DNAH8: variants seen among roughly 807,000 people sequenced by gnomAD.
DNAH8 encodes axonemal beta dynein heavy chain 8.
DNAH8 carries 382 observed loss-of-function variants against 562.1 expected under a neutral mutation model. The ratio of observed to expected loss-of-function variants is 0.68; its 90% CI spans 0.63 to 0.74. The LOEUF (loss-of-function observed/expected upper bound fraction) is 0.74. Among genes scored for constraint, DNAH8 ranks in the 30% least tolerant of loss-of-function variants. DNAH8 has a pLI of 0.00. For missense variants in DNAH8, 5,203 were observed against 5,620.4 expected, an observed-to-expected ratio of 0.93 and a Z score of 2.37; for synonymous variants, 1,881 against 1,919.4, an observed-to-expected ratio of 0.98 and a Z score of 0.52.
At position 38,816,382 on chromosome 6, in the gene DNAH8, C is replaced by T. The variant is rs542140803; in HGVS notation, c.3523+725C>T. 1.5e-4 allele frequency among the ~76,000 whole-genome samples: 23 copies of T among 152,222 alleles called. No homozygotes were observed. In the South Asian group the frequency reaches 2.5e-3, roughly 16 times the overall value. On this transcript the variant is annotated intron_variant, in intron 26 of 92. Transcript: ENST00000327475. The stretch of plus-strand genomic sequence containing the variant: ...TTAGTTTGCCAAGGATAATGGCTTC[C>T]GGCTCCATCTATGTCCTTGCAAAGG...
intron 16 of DNAH8, 139 bp downstream of exon 16, chr6:38,781,512 A>G (rs533100957): frequency 3.4e-5 from 35 of 1,015,814 alleles, no homozygotes; most frequent in Non-Finnish European, 4.5e-5. Flanking sequence ...AATTTAGTTT[A>G]TAAATATACT....
intron 71 of DNAH8, among the ~76,000 whole-genome samples, chr6:38,922,839 C>G (rs905755177): frequency 6.6e-6 from 1 of 152,124 alleles, no homozygotes; most frequent in Non-Finnish European, 1.5e-5. Flanking sequence ...TGGATTCTGT[C>G]TTACAAAATT....
In DNAH8 at chr6:38,899,906, G is replaced by C; in HGVS notation, c.9194G>C (p.Arg3065Thr). 1 of 1,564,176 alleles carries C rather than the reference G, an allele frequency of 6.4e-7. No homozygotes were observed. Among genetic ancestry groups the C allele is most frequent in the Non-Finnish European group, 8.6e-7 (1 of 1,158,486 alleles). The change falls in exon 62 of 93, where the codon AGG becomes ACG. Residue 3065 changes from arginine to threonine, a missense_variant and splice_region_variant. Physicochemically the swap from Arg to Thr is moderately conservative, Grantham distance 71. Coordinates refer to ENST00000327475, the MANE Select transcript of DNAH8 (RefSeq NM_001206927.2). ...GYQIFQITLTRSYNVTNLTDD... is the reference protein window; with the variant it reads ...GYQIFQITLTTSYNVTNLTDD... ...CAAATATTCCAGATAACATTAACCA[G>C]GTAGGATGAAATAAAACACAATATG...
Position 38,778,399 on chromosome 6 carries a change from G to A in DNAH8, c.1974G>A (p.Gln658=). The A allele has an allele frequency of 6.5e-7, 1 of 1,549,530 alleles. No individual in the cohort carries two copies. ...TKINGLEVQI[Q]AFMNSSFGKI... ...ATATTTTATTTTAGGTACAAATACA[G>A]GCATTTATGAACAGTAGTTTTGGGA... The change falls in exon 14 of 93, where the codon CAG becomes CAA. Residue 658 remains glutamine, a synonymous_variant. Transcript: ENST00000327475.
chr6:38,852,005 T>C (rs995048032), intron 39 of DNAH8, among the ~76,000 whole-genome samples: 1 of 152,224 alleles, frequency 6.6e-6, no homozygotes, highest in South Asian at 2.1e-4. Context: ...TATGAGATCA[T>C]GCATAGCAGA....
At chr6:38,776,838 A>G (rs1436713600) in intron 13 of DNAH8, among the ~76,000 whole-genome samples, 4 of 152,152 alleles carry the variant, frequency 2.6e-5, no homozygotes, top group South Asian at 2.1e-4. Context: ...GTTACTCTCT[A>G]CTGTTAACTG....
intron 18 of DNAH8, 50 bp from the exon 19 acceptor site, chr6:38,789,753 G>A (rs756109922): frequency 6.6e-6 from 9 of 1,359,024 alleles, no homozygotes; most frequent in Non-Finnish European, 9.3e-6. Flanking sequence ...AAATGTGACT[G>A]CTACTTTAAA....
At chr6:38,762,708 G>C (rs1320778838) in intron 11 of DNAH8, among the ~76,000 whole-genome samples, 5 of 152,224 alleles carry the variant, frequency 3.3e-5, no homozygotes, top group Non-Finnish European at 7.3e-5. Flanking sequence ...AGTGGTTATT[G>C]GTCATCTCTG....
At position 38,734,561 on chromosome 6, in the gene DNAH8, G is replaced by C; in HGVS notation, c.698G>C (p.Gly233Ala). 1 of 1,613,808 alleles carries C rather than the reference G, an allele frequency of 6.2e-7. No homozygotes were observed. The highest frequency in any genetic ancestry group is 8.5e-7 in the Non-Finnish European group (1 of 1,179,958). ...IDNAAPDKLK[G>A]LCIFFVRCRN... Reference sequence around the variant, plus strand: ...AATGCAGCCCCGGATAAACTAAAAGGACTGTGCATATTTTTTGTTCGTTGC... The same window carrying C: ...AATGCAGCCCCGGATAAACTAAAAGCACTGTGCATATTTTTTGTTCGTTGC... The change falls in exon 5 of 93, where the codon GGA (glycine) becomes GCA (alanine). Residue 233 changes from glycine to alanine, a missense_variant. Physicochemically the swap from Gly to Ala is moderately conservative, Grantham distance 60 (BLOSUM62 0). Transcript: ENST00000327475.
At chr6:39,009,317 T>A (rs1468242570) in intron 89 of DNAH8, among the ~76,000 whole-genome samples, 1 of 146,536 alleles carries the variant, frequency 6.8e-6, no homozygotes, top group Non-Finnish European at 1.5e-5. Context: ...AAAAAAAAAC[T>A]CAAAAATCTT....
chr6:38,777,429 T>G (rs1013837368), intron 13 of DNAH8, among the ~76,000 whole-genome samples: 7 of 152,198 alleles, frequency 4.6e-5, no homozygotes, highest in African/African-American at 9.7e-5. Flanking sequence ...ATCAGTGTTT[T>G]AATTTTAATT....
At chr6:38,791,097 A>G (rs1769700401) in intron 20 of DNAH8, among the ~76,000 whole-genome samples, 1 of 152,228 alleles carries the variant, frequency 6.6e-6, no homozygotes, top group Non-Finnish European at 1.5e-5. Context: ...CATATTGGCT[A>G]CATAGAACAA....
Position 38,795,321 on chromosome 6 carries a change from C to T in DNAH8, c.2901+3647C>T, listed in dbSNP as rs112247973. On this transcript the variant is annotated intron_variant, in intron 21 of 92. Coordinates refer to ENST00000327475, the MANE Select transcript of DNAH8 (RefSeq NM_001206927.2). ...GTTGCTGGGCACGGTGGCTCACGCC[C>T]GTAATCCCAGCACTTTGGGAGGCCG... 9.0e-4 allele frequency among the ~76,000 whole-genome samples: 137 copies of T among 152,176 alleles called. 2 individuals carry two copies. Among genetic ancestry groups the T allele is most frequent in the African/African-American group, 3.1e-3 (130 of 41,520 alleles).
chr6:38,781,151 T>C (rs1562761222), intron 15 of DNAH8, 103 bp from the exon 16 acceptor site: 3 of 1,309,034 alleles, frequency 2.3e-6, no homozygotes, highest in Non-Finnish European at 3.2e-6. Context: ...CTACTGTATA[T>C]AAAACATGAA....
In DNAH8 at chr6:38,776,206, T is replaced by C. The variant is rs189645750; in HGVS notation, c.1962+255T>C. 8.4e-4 allele frequency among the ~76,000 whole-genome samples: 126 copies of C among 149,266 alleles called. 1 individual carries two copies. Among genetic ancestry groups the C allele is most frequent in the African/African-American group, 3.0e-3 (122 of 40,212 alleles). On this transcript the variant is annotated intron_variant, in intron 13 of 92. Transcript: ENST00000327475. ...TAACTAGAAGCCCAAAGGGCTTTTA[T>C]AGCTAGGATTCTTTTTTTTTTTTTT...
Position 39,026,578 on chromosome 6 carries a change from C to T in DNAH8, c.13747C>T (p.Arg4583Cys), listed in dbSNP as rs144505769. 1.4e-4 allele frequency: 232 copies of T among 1,612,664 alleles called. No homozygotes were observed. The African/African-American group carries it at 2.6e-3, about 18-fold the overall frequency. The change falls in exon 92 of 93, where the codon CGT (arginine) becomes TGT (cysteine). Residue 4583 changes from arginine to cysteine, a missense_variant. Arg to Cys is a radical substitution (Grantham distance 180). This residue lies in a region of DNAH8 where 1,399 missense variants were observed against 1,518.4 expected (regional missense o/e 0.92). Transcript: ENST00000327475. ...FLTAMRQEVT[R>C]AHKGWALDTV... Reference sequence around the variant, plus strand: ...CACAGCAATGAGGCAAGAAGTGACCCGTGCCCACAAAGGCTGGGCACTGGA... The same window carrying T: ...CACAGCAATGAGGCAAGAAGTGACCTGTGCCCACAAAGGCTGGGCACTGGA...
chr6:38,853,063 T>G lies in DNAH8; in HGVS notation c.5572-123T>G. 3 of 771,736 alleles carry G rather than the reference T, an allele frequency of 3.9e-6. No homozygotes were observed. The East Asian group carries it at 8.2e-5, about 21-fold the overall frequency. 47.8% of individuals were successfully genotyped at this position (771,736 alleles called of 1,614,324 possible). ...GTGATTTTACCCATATTTAAAATAT[T>G]TTGTATAAAATATGAAACTGTTTGC... On this transcript the variant is annotated intron_variant, in intron 40 of 92. Coordinates refer to ENST00000327475, the MANE Select transcript of DNAH8 (RefSeq NM_001206927.2).
At chr6:38,941,733 C>T (rs1783474530) in intron 79 of DNAH8, among the ~76,000 whole-genome samples, 1 of 152,028 alleles carries the variant, frequency 6.6e-6, no homozygotes, top group Non-Finnish European at 1.5e-5. Flanking sequence ...GGCTGCAGCC[C>T]TGGTATTGTA....
intron 57 of DNAH8, among the ~76,000 whole-genome samples, chr6:38,888,803 C>T (rs1779138510): frequency 6.6e-6 from 1 of 152,252 alleles, no homozygotes; most frequent in African/African-American, 2.4e-5. Context: ...TCAGTTGCTA[C>T]AAACCCTTTG....
Sources: gnomAD v4.1 joint callset for allele counts (sites outside exome capture counted in the v4.1 genomes callset) on GRCh38, gnomAD v4.1.1 for gene constraint, gnomAD v4.1.1 regional missense constraint, MANE v1.5 for transcripts, NCBI Gene and HGNC (gene_info 2026-07-23, HGNC 2026-07-21) for gene names.